The following SPMIP7 variants were observed in gnomAD, a reference collection of about 807,000 sequenced individuals.
The protein encoded by SPMIP7 is protein SPMIP7.
chr7:50,118,105 C>T, the SPMIP7 span, among the ~76,000 whole-genome samples: 1 of 152,178 alleles, frequency 6.6e-6, no homozygotes, highest in Non-Finnish European at 1.5e-5. Flanking sequence ...TCCAAGTCAA[C>T]TCCCCTATGT....
chr7:50,098,081 C>G, the SPMIP7 span, among the ~76,000 whole-genome samples: 1 of 152,088 alleles, frequency 6.6e-6, no homozygotes, highest in Non-Finnish European at 1.5e-5. Flanking sequence ...TGTAACAAAC[C>G]TAAATACACG....
the SPMIP7 span, among the ~76,000 whole-genome samples, chr7:50,120,634 A>G: frequency 5.9e-5 from 9 of 152,232 alleles, no homozygotes; most frequent in African/African-American, 9.6e-5. Flanking sequence ...CTCAGGGGAA[A>G]GAAACACATG....
At chr7:50,121,666 T>C in the SPMIP7 span, among the ~76,000 whole-genome samples, 1 of 152,152 alleles carries the variant, frequency 6.6e-6, no homozygotes. Flanking sequence ...TTTCTTTTCT[T>C]TTTTTGAGAT....
At chr7:50,123,229 A>T in the SPMIP7 span, among the ~76,000 whole-genome samples, 1 of 122,146 alleles carries the variant, frequency 8.2e-6, no homozygotes, top group Admixed American at 8.9e-5. Flanking sequence ...ATGGAATACT[A>T]TGCAGCCATA....
the SPMIP7 span, chr7:50,096,182 T>A: frequency 6.4e-7 from 1 of 1,551,716 alleles, no homozygotes; most frequent in Non-Finnish European, 8.7e-7. Context: ...CCCACACTAT[T>A]GTGATCTCTT....
At chr7:50,134,983 T>G in the SPMIP7 span, among the ~76,000 whole-genome samples, 3 of 152,184 alleles carry the variant, frequency 2.0e-5, no homozygotes, top group Non-Finnish European at 2.9e-5. Context: ...GTTCTCGTCT[T>G]CTTACTGTTC....
chr7:50,129,802 T>C, the SPMIP7 span: 1 of 1,525,472 alleles, frequency 6.6e-7, no homozygotes. Flanking sequence ...AAGTAAGCAG[T>C]TTTCCCAGTG....
the SPMIP7 span, among the ~76,000 whole-genome samples, chr7:50,118,105 C>G: frequency 6.6e-6 from 1 of 152,178 alleles, no homozygotes; most frequent in Non-Finnish European, 1.5e-5. Flanking sequence ...TCCAAGTCAA[C>G]TCCCCTATGT....
the SPMIP7 span, among the ~76,000 whole-genome samples, chr7:50,125,610 G>A: frequency 6.6e-6 from 1 of 150,792 alleles, no homozygotes; most frequent in Non-Finnish European, 1.5e-5. Context: ...GTGTGTGTGT[G>A]TGTGTGTGTA....
At chr7:50,128,042 A>G in the SPMIP7 span, among the ~76,000 whole-genome samples, 2 of 152,206 alleles carry the variant, frequency 1.3e-5, no homozygotes, top group South Asian at 4.1e-4. Flanking sequence ...TATTCGCATT[A>G]GGCAAAATGT....
At chr7:50,141,251 A>G in the SPMIP7 span, 15 of 1,345,428 alleles carry the variant, frequency 1.1e-5, no homozygotes, top group Admixed American at 1.8e-4. Flanking sequence ...ATACAGAAAT[A>G]TATGCCTTCT....
the SPMIP7 span, among the ~76,000 whole-genome samples, chr7:50,146,266 G>T: frequency 6.6e-6 from 1 of 152,204 alleles, no homozygotes; most frequent in African/African-American, 2.4e-5. Flanking sequence ...AGAGGAAATG[G>T]CATAAAGAGC....
At chr7:50,103,751 T>C in the SPMIP7 span, among the ~76,000 whole-genome samples, 16 of 152,180 alleles carry the variant, frequency 1.1e-4, no homozygotes, top group Non-Finnish European at 1.0e-4. Context: ...TTAGGTATCC[T>C]TCCTATGCAC....
the SPMIP7 span, chr7:50,096,464 A>C: frequency 3.2e-6 from 5 of 1,551,776 alleles, no homozygotes; most frequent in Non-Finnish European, 4.4e-6. Flanking sequence ...TGGCAGAACC[A>C]TACCAACCCT....
At chr7:50,140,709 G>A in the SPMIP7 span, among the ~76,000 whole-genome samples, 5 of 152,308 alleles carry the variant, frequency 3.3e-5, no homozygotes, top group African/African-American at 1.2e-4. Flanking sequence ...TATGGAGGAG[G>A]GATCTGGACC....
chr7:50,104,007 C>T, the SPMIP7 span, among the ~76,000 whole-genome samples: 2 of 152,060 alleles, frequency 1.3e-5, no homozygotes, highest in Admixed American at 1.3e-4. Flanking sequence ...TAACCAGACC[C>T]CTCTTGTGTC....
At chr7:50,158,738 C>G in the SPMIP7 span, among the ~76,000 whole-genome samples, 7 of 151,816 alleles carry the variant, frequency 4.6e-5, no homozygotes, top group Admixed American at 2.6e-4. Flanking sequence ...TTGATTCCCC[C>G]GGCCACCCCA....
At chr7:50,123,567 T>TAATAAATA in the SPMIP7 span, among the ~76,000 whole-genome samples, 3,444 of 146,364 alleles carry the variant, frequency 0.024, 93 homozygotes, top group African/African-American at 0.06. Context: ...TAAAGTATAA[T>TAATAAATA]AATAAATAAA....
At chr7:50,132,637 A>G in the SPMIP7 span, among the ~76,000 whole-genome samples, 1 of 152,286 alleles carries the variant, frequency 6.6e-6, no homozygotes, top group East Asian at 1.9e-4. Context: ...TTTCTTACAT[A>G]CAATACTAGT....
Sources: allele counts gnomAD v4.1 joint callset (sites outside exome capture counted in the v4.1 genomes callset), GRCh38; gene constraint gnomAD v4.1.1; transcripts MANE v1.5; gene names NCBI Gene and HGNC (gene_info 2026-07-23, HGNC 2026-07-21).